The following CREB3L1 variants were observed in gnomAD, a reference collection of about 807,000 sequenced individuals.
CREB3L1 encodes the protein cAMP responsive element binding protein 3 like 1, also known as cyclic AMP-responsive element-binding protein 3-like protein 1.
Under a neutral mutation model 54.5 loss-of-function variants are expected in CREB3L1, and 33 were observed. The ratio of observed to expected loss-of-function variants is 0.61; its 90% CI spans 0.46 to 0.81. The LOEUF (loss-of-function observed/expected upper bound fraction) is 0.81. Ranked by LOEUF, CREB3L1 falls within the 30% of genes least tolerant of loss-of-function variation. CREB3L1 has a pLI of 0.00. For synonymous variants in CREB3L1, 284 were observed against 286.4 expected (o/e 0.99, Z 0.08); for missense variants, 656 against 673.3 (o/e 0.97, Z 0.29).
chr11:46,301,657 C>A (rs747178146), intron 2 of CREB3L1, among the ~76,000 whole-genome samples: 2 of 141,736 alleles, frequency 1.4e-5, no homozygotes, highest in African/African-American at 2.7e-5. Context: ...AGTGAGACTC[C>A]GTCCCAAAAA....
intron 1 of CREB3L1, among the ~76,000 whole-genome samples, chr11:46,294,268 C>T (rs1939171360): frequency 6.6e-6 from 1 of 152,042 alleles, no homozygotes; most frequent in African/African-American, 2.4e-5. Flanking sequence ...AGAGTGAGGT[C>T]GGGGGTCAGA....
At chr11:46,281,977 A>C (rs1293611205) in intron 1 of CREB3L1, among the ~76,000 whole-genome samples, 2 of 151,934 alleles carry the variant, frequency 1.3e-5, no homozygotes, top group East Asian at 3.9e-4. Flanking sequence ...TCTGATACCT[A>C]CTCTATCAAA....
intron 2 of CREB3L1, among the ~76,000 whole-genome samples, chr11:46,301,993 C>T (rs1939310092): frequency 6.6e-6 from 1 of 151,340 alleles, no homozygotes; most frequent in Non-Finnish European, 1.5e-5. Flanking sequence ...AGTGAAACCC[C>T]ATCTCTACTA....
chr11:46,292,245 T>C (rs1329512657), intron 1 of CREB3L1, among the ~76,000 whole-genome samples: 1 of 152,076 alleles, frequency 6.6e-6, no homozygotes, highest in Non-Finnish European at 1.5e-5. Context: ...TCCAAACACA[T>C]GGAAACTCTG....
chr11:46,286,483 A>G (rs1204026675), intron 1 of CREB3L1, among the ~76,000 whole-genome samples: 1 of 152,200 alleles, frequency 6.6e-6, no homozygotes, highest in Non-Finnish European at 1.5e-5. Flanking sequence ...AAATTAATAC[A>G]TGGAAACTTA....
At chr11:46,280,797 T>A (rs947483129) in intron 1 of CREB3L1, among the ~76,000 whole-genome samples, 2 of 152,146 alleles carry the variant, frequency 1.3e-5, no homozygotes, top group Non-Finnish European at 2.9e-5. Context: ...AACTTCTTCA[T>A]TCTGCATGAG....
rs773419554 is a variant in CREB3L1 at position 46,312,845 on chromosome 11, C to T, written c.963-6C>T. The T allele has an allele frequency of 1.3e-6, 2 of 1,587,964 alleles. No homozygotes were observed. The highest frequency in any genetic ancestry group is 1.7e-6 in the Non-Finnish European group (2 of 1,167,272). Reference sequence around the variant, plus strand: ...CCCTGAGCCTGTGCCTGCTTGGCCCCTACAGGGTGGAGACATTTACATCTG... The same window carrying T: ...CCCTGAGCCTGTGCCTGCTTGGCCCTTACAGGGTGGAGACATTTACATCTG... On this transcript the variant is annotated splice_region_variant and splice_polypyrimidine_tract_variant and intron_variant, in intron 7 of 11. Coordinates refer to ENST00000621158, the MANE Select transcript of CREB3L1 (RefSeq NM_052854.4).
At chr11:46,311,332 A>T in intron 5 of CREB3L1, 143 bp downstream of exon 5, 5 of 1,158,134 alleles carry the variant, frequency 4.3e-6, no homozygotes, top group Non-Finnish European at 5.7e-6. Context: ...TACCTGGCAG[A>T]TGGGAGTTCT....
intron 8 of CREB3L1, among the ~76,000 whole-genome samples, chr11:46,314,372 C>A (rs1939535086): frequency 6.6e-6 from 1 of 151,670 alleles, no homozygotes; most frequent in Non-Finnish European, 1.5e-5. Context: ...AGCTTTTATT[C>A]TTCTTTCATT....
At chr11:46,283,637 T>C (rs1423043767) in intron 1 of CREB3L1, among the ~76,000 whole-genome samples, 1 of 152,140 alleles carries the variant, frequency 6.6e-6, no homozygotes, top group African/African-American at 2.4e-5. Flanking sequence ...TCCAGTACTT[T>C]GGGAGGCGGA....
intron 8 of CREB3L1, among the ~76,000 whole-genome samples, chr11:46,314,564 C>A (rs182370860): frequency 6.5e-4 from 99 of 152,048 alleles, no homozygotes; most frequent in Non-Finnish European, 1.2e-3. Context: ...TTTGTAGAGA[C>A]GTGGTCTTGC....
rs370086040 is a variant in CREB3L1, at chr11:46,320,371, G to A, written c.1366G>A (p.Gly456Arg). Reference protein sequence around the residue: ...EPPDGWEINPGGPAEQRPRDH... With the variant: ...EPPDGWEINPRGPAEQRPRDH... The stretch of plus-strand genomic sequence containing the variant: ...CCCAGATGGCTGGGAAATCAACCCC[G>A]GGGGGCCGGCAGAGCAGCGGCCCCG... Residue 456 changes from glycine to arginine, a missense_variant, in exon 11 of 12, where the codon GGG (glycine) becomes AGG (arginine). Coordinates refer to ENST00000621158, the MANE Select transcript of CREB3L1 (RefSeq NM_052854.4). 36 of 1,610,130 alleles carry A rather than the reference G, an allele frequency of 2.2e-5. No homozygotes were observed. The highest frequency in any genetic ancestry group is 6.6e-5 in the South Asian group (6 of 90,492).
chr11:46,296,151 C>T (rs1252735488), intron 1 of CREB3L1, among the ~76,000 whole-genome samples: 1 of 152,166 alleles, frequency 6.6e-6, no homozygotes, highest in Non-Finnish European at 1.5e-5. Context: ...GCTCTTGCTC[C>T]CCAATTTCCA....
At chr11:46,297,948 C>A (rs1939237306) in intron 1 of CREB3L1, among the ~76,000 whole-genome samples, 1 of 152,134 alleles carries the variant, frequency 6.6e-6, no homozygotes, top group South Asian at 2.1e-4. Flanking sequence ...CTCATTTTAC[C>A]CTCATACTCC....
chr11:46,286,264 A>G (rs1939054045), intron 1 of CREB3L1, among the ~76,000 whole-genome samples: 1 of 152,228 alleles, frequency 6.6e-6, no homozygotes, highest in South Asian at 2.1e-4. Context: ...ATAGTAAAAG[A>G]AAGGACACTT....
intron 1 of CREB3L1, among the ~76,000 whole-genome samples, chr11:46,283,876 C>CA (rs1939015336): frequency 2.6e-5 from 4 of 151,966 alleles, no homozygotes. Flanking sequence ...GAGCAAGACC[C>CA]AAAAAATCAG....
At chr11:46,299,139 T>C (rs1939255114) in intron 1 of CREB3L1, among the ~76,000 whole-genome samples, 1 of 152,194 alleles carries the variant, frequency 6.6e-6, no homozygotes, top group African/African-American at 2.4e-5. Context: ...TCTGATATTT[T>C]CTACTTTTTT....
At chr11:46,292,701 A>T (rs1939147552) in intron 1 of CREB3L1, among the ~76,000 whole-genome samples, 1 of 152,076 alleles carries the variant, frequency 6.6e-6, no homozygotes, top group African/African-American at 2.4e-5. Context: ...ATCATAGCTC[A>T]CTGCAGCCTC....
chr11:46,283,477 T>C (rs1939009370), intron 1 of CREB3L1, among the ~76,000 whole-genome samples: 1 of 152,156 alleles, frequency 6.6e-6, no homozygotes, highest in African/African-American at 2.4e-5. Context: ...GAAGTCAAGT[T>C]TGGGTCACAT....
Sources: gnomAD v4.1 joint callset for allele counts (sites outside exome capture counted in the v4.1 genomes callset) on GRCh38, gnomAD v4.1.1 for gene constraint, MANE v1.5 for transcripts, NCBI Gene and HGNC (gene_info 2026-07-23, HGNC 2026-07-21) for gene names.